Variants in ANO7 observed in about 807,000 individuals in gnomAD.
ANO7 encodes anoctamin 7.
In ANO7, 114 loss-of-function variants were observed where a neutral mutation model predicts 115.8. That is an observed-to-expected ratio of 0.98 (90% CI 0.85 to 1.15). ANO7 has a LOEUF of 1.15. Ranked by LOEUF, ANO7 falls within the 50% of genes most tolerant of loss-of-function variation. The pLI, the probability that ANO7 is intolerant of heterozygous loss-of-function variation, is 0.00. For synonymous variants in ANO7, 550 were observed against 498.2 expected, an observed-to-expected ratio of 1.10 and a Z score of -1.38; for missense variants, 1,302 against 1,201.2, an observed-to-expected ratio of 1.08 and a Z score of -1.24.
intron 17 of ANO7, among the ~76,000 whole-genome samples, chr2:241,214,312 T>C (rs1374073020): frequency 6.6e-6 from 1 of 152,192 alleles, no homozygotes; most frequent in Non-Finnish European, 1.5e-5. Context: ...AATGCTGCAC[T>C]GCTATTCCCA....
At chr2:241,213,925 C>T (rs994749744) in intron 17 of ANO7, among the ~76,000 whole-genome samples, 4 of 152,310 alleles carry the variant, frequency 2.6e-5, no homozygotes, top group African/African-American at 7.2e-5. Flanking sequence ...GGTGCCACAA[C>T]GGACCAGCCA....
At chr2:241,229,987 GGTCA>G, downstream of ANO7, 2 of 1,582,350 alleles carry the variant, frequency 1.3e-6, no homozygotes, top group Admixed American at 1.7e-5. Flanking sequence ...AGGAAGACAG[GGTCA>G]GTCTGCCCAG....
Position 241,196,769 on chromosome 2 carries a change from C to T in ANO7, c.309+924C>T, listed in dbSNP as rs536627176. Among the ~76,000 whole-genome samples the T allele has an allele frequency of 1.2e-4, 18 of 150,878 alleles. No individual in the cohort carries two copies. The South Asian group carries it at 2.5e-3, about 21-fold the overall frequency. ...AATGCCGGTCTTTGCTTATGGATGC[C>T]GTGAGAATGGGCATTTGACTTGTTC... On this transcript the variant is annotated intron_variant, in intron 4 of 24. Coordinates refer to ENST00000674324, the MANE Select transcript of ANO7 (RefSeq NM_001370694.2).
rs748485238 is a variant in ANO7, at chr2:241,204,966, C to A, written c.980+11C>A. 14 of 1,612,956 alleles carry A rather than the reference C, an allele frequency of 8.7e-6. No homozygotes were observed. The East Asian group carries it at 2.7e-4, about 31-fold the overall frequency. On this transcript the variant is annotated intron_variant, in intron 10 of 24. Coordinates refer to ENST00000674324, the MANE Select transcript of ANO7 (RefSeq NM_001370694.2). ...CTCAGACATACCCACGTGAGTGTTCCCTCTCCGCAGCTCTGGGGCCTGGTG... is the reference window on the plus strand; with the variant it reads ...CTCAGACATACCCACGTGAGTGTTCACTCTCCGCAGCTCTGGGGCCTGGTG...
chr2:241,235,177 CCCGGT>C, the ANO7 span: 1 of 1,614,158 alleles, frequency 6.2e-7, no homozygotes, highest in Non-Finnish European at 8.5e-7. Flanking sequence ...CCAGCCTTGG[CCCGGT>C]CCAAATTTGC....
chr2:241,213,828 C>G (rs545314392), intron 17 of ANO7, among the ~76,000 whole-genome samples: 154 of 152,298 alleles, frequency 1.0e-3, no homozygotes, highest in African/African-American at 3.6e-3. Context: ...AGCCCAACTG[C>G]AAAGTGGCTG....
downstream of ANO7, chr2:241,230,159 C>G (rs1439250824): frequency 5.0e-6 from 8 of 1,610,856 alleles, no homozygotes; most frequent in Non-Finnish European, 6.8e-6. This position sits in a 1 kb window ranked among gnomAD's most constrained non-coding sequence, Gnocchi z 5.0. Flanking sequence ...TCACGTATTC[C>G]TCCTCCAGAT....
At chr2:241,232,522 C>T in the ANO7 span, among the ~76,000 whole-genome samples, 1 of 152,144 alleles carries the variant, frequency 6.6e-6, no homozygotes, top group Non-Finnish European at 1.5e-5. Context: ...GGGATCCACC[C>T]GCCTCGGCCT....
chr2:241,212,748 C>A, intron 17 of ANO7, 122 bp downstream of exon 17: 2 of 1,145,918 alleles, frequency 1.7e-6, no homozygotes, highest in Non-Finnish European at 2.5e-6. Flanking sequence ...CATCGCCCAG[C>A]CAGGGCCAGC....
chr2:241,201,146 T>C, intron 6 of ANO7, 152 bp from the exon 7 acceptor site: 7 of 777,208 alleles, frequency 9.0e-6, no homozygotes, highest in South Asian at 2.9e-5. Flanking sequence ...GCGAGGGCTG[T>C]GTCCGCAGGC....
At chr2:241,234,049 A>G in the ANO7 span, 1 of 1,473,002 alleles carries the variant, frequency 6.8e-7, no homozygotes, top group Non-Finnish European at 9.4e-7. Context: ...GTCATAGGAC[A>G]CTGGAGATGC....
chr2:241,196,939 T>G (rs1308320119), intron 4 of ANO7, among the ~76,000 whole-genome samples: 4 of 152,112 alleles, frequency 2.6e-5, no homozygotes, highest in Non-Finnish European at 5.9e-5. Context: ...CCGAGGCATG[T>G]GCATATGGCC....
intron 21 of ANO7, among the ~76,000 whole-genome samples, chr2:241,221,651 A>G (rs1574800860): frequency 6.6e-6 from 1 of 150,878 alleles, no homozygotes; most frequent in East Asian, 2.0e-4. Flanking sequence ...GTGTTGAGCC[A>G]CTGCACTTGG....
chr2:241,192,016 T>C (rs1439284563), intron 3 of ANO7, among the ~76,000 whole-genome samples: 1 of 152,290 alleles, frequency 6.6e-6, no homozygotes, highest in East Asian at 1.9e-4. Flanking sequence ...AAGGCGTGCA[T>C]TCGTCTGCTG....
rs1481236565 is a variant in ANO7, at chr2:241,209,266, C to T, written c.1078-19C>T. On this transcript the variant is annotated intron_variant, in intron 11 of 24. Transcript: ENST00000674324. ...CTCCAGTCCCAAGCAAGTCTGGACGCCCCCGCTCCCTGCCACAGGCCGGCC... is the reference window on the plus strand; with the variant it reads ...CTCCAGTCCCAAGCAAGTCTGGACGTCCCCGCTCCCTGCCACAGGCCGGCC... 1.9e-6 allele frequency: 3 copies of T among 1,544,468 alleles called. No individual in the cohort carries two copies. Among genetic ancestry groups the T allele is most frequent in the Admixed American group, 3.9e-5 (2 of 50,912 alleles).
At chr2:241,197,651 CTTTTT>C (rs397869408) in intron 4 of ANO7, among the ~76,000 whole-genome samples, 1 of 135,060 alleles carries the variant, frequency 7.4e-6, no homozygotes, top group Non-Finnish European at 1.6e-5. Flanking sequence ...GTCACCTGCC[CTTTTT>C]TTTTTTTTTT....
chr2:241,222,950 C>T (rs560108507), intron 21 of ANO7, among the ~76,000 whole-genome samples: 2 of 152,292 alleles, frequency 1.3e-5, no homozygotes, highest in African/African-American at 2.4e-5. Flanking sequence ...TCCAGTTTAG[C>T]CCAATGGGGG....
chr2:241,202,246 T>C lies in ANO7; in HGVS notation c.665T>C (p.Leu222Pro). The change falls in exon 8 of 25, where the codon CTT becomes CCT. Residue 222 changes from leucine (L) to proline (P), a missense_variant. Leu to Pro is a moderately conservative substitution (Grantham distance 98). Coordinates refer to ENST00000674324, the MANE Select transcript of ANO7 (RefSeq NM_001370694.2). Reference protein sequence around the residue: ...TPYGHEKKNLLGIHQLLAEGV... With the variant: ...TPYGHEKKNLPGIHQLLAEGV... Reference sequence around the variant, plus strand: ...TATGGCCACGAGAAGAAAAACCTGCTTGGGATCCACCAGCTGCTGGCAGAG... The same window carrying C: ...TATGGCCACGAGAAGAAAAACCTGCCTGGGATCCACCAGCTGCTGGCAGAG... 1 of 1,613,738 alleles carries C rather than the reference T, an allele frequency of 6.2e-7. No homozygotes were observed. The highest frequency in any genetic ancestry group is 1.3e-5 in the African/African-American group (1 of 75,054).
rs2069082636 is a variant in ANO7, at chr2:241,223,713, CCA to C, written c.2465_2466del (p.Pro822ArgfsTer15). On this transcript the variant is annotated frameshift_variant, in exon 23 of 25. Coordinates refer to ENST00000674324, the MANE Select transcript of ANO7 (RefSeq NM_001370694.2). LOFTEE classifies it high-confidence loss of function. ...RLLDLLVPDI[P>X]ESVEIKVKRE... Reference sequence around the variant, plus strand: ...CCTGGACCTCCTGGTGCCTGACATCCCAGAGTCTGTGGAGATCAAAGTGAAGC... The same window carrying C: ...CCTGGACCTCCTGGTGCCTGACATCCGAGTCTGTGGAGATCAAAGTGAAGC... 5 of 1,614,136 alleles carry C rather than the reference CCA, an allele frequency of 3.1e-6. No homozygotes were observed. The highest frequency in any genetic ancestry group is 2.5e-6 in the Non-Finnish European group (3 of 1,180,008).
Sources: allele counts gnomAD v4.1 joint callset (sites outside exome capture counted in the v4.1 genomes callset), GRCh38; gene constraint gnomAD v4.1.1; non-coding constraint Gnocchi (gnomAD v3.1); transcripts MANE v1.5; gene names NCBI Gene and HGNC (gene_info 2026-07-23, HGNC 2026-07-21).